MYO9A: variants seen among roughly 807,000 people sequenced by gnomAD.
The protein encoded by MYO9A is myosin IXA.
A neutral mutation model predicts 293.3 loss-of-function variants in MYO9A; 103 were observed. That is an observed-to-expected ratio of 0.35 (90% CI 0.30 to 0.41). MYO9A has a LOEUF of 0.41. MYO9A is among the 10% of genes least tolerant of loss of function. MYO9A has a pLI of 1.00. For synonymous variants in MYO9A, 1,001 were observed against 1,035.7 expected (o/e 0.97, Z 0.64); for missense variants, 2,685 against 3,033.0 (o/e 0.89, Z 2.69).
intron 15 of MYO9A, 27 bp downstream of exon 15, chr15:71,951,750 A>T: frequency 6.2e-7 from 1 of 1,613,288 alleles, no homozygotes; most frequent in Non-Finnish European, 8.5e-7. Context: ...ATATGTGATA[A>T]CAGTTTATCA....
chr15:72,055,044 A>T (rs1027509479), intron 1 of MYO9A, among the ~76,000 whole-genome samples: 2 of 152,214 alleles, frequency 1.3e-5, no homozygotes, highest in Admixed American at 1.3e-4. Context: ...CCTATAGCAG[A>T]TCAACGTCAA....
At chr15:72,083,106 T>A (rs542378956) in intron 1 of MYO9A, among the ~76,000 whole-genome samples, 2 of 152,212 alleles carry the variant, frequency 1.3e-5, no homozygotes, top group Admixed American at 1.3e-4. Flanking sequence ...TACCAGCTCT[T>A]CTTTGTATAT....
Position 71,880,482 on chromosome 15 carries a change from GT to G in MYO9A, c.5474del (p.Asn1825ThrfsTer14). 1 of 1,614,204 alleles carries G rather than the reference GT, an allele frequency of 6.2e-7. No individual in the cohort carries two copies. Among genetic ancestry groups the G allele is most frequent in the Non-Finnish European group, 8.5e-7 (1 of 1,179,994 alleles). ...GCTTAGCCTTTGGAGAAGGTTCTTT[GT>G]TCTCTTTGAATTCCTTCCGGCAACT... Reference protein sequence around the residue: ...PGSCRKEFKENKEPSPKAKRK... With the variant: ...PGSCRKEFKEXKEPSPKAKRK... On this transcript the variant is annotated frameshift_variant, in exon 29 of 42. Coordinates refer to ENST00000356056, the MANE Select transcript of MYO9A (RefSeq NM_006901.4). LOFTEE classifies it high-confidence loss of function.
intron 19 of MYO9A, among the ~76,000 whole-genome samples, chr15:71,908,390 C>G (rs1006310263): frequency 9.2e-5 from 14 of 152,176 alleles, no homozygotes; most frequent in African/African-American, 3.4e-4. Flanking sequence ...GTCTCAATCT[C>G]CTGACCTCGT....
At chr15:72,054,447 C>A (rs1034053743) in intron 1 of MYO9A, among the ~76,000 whole-genome samples, 6 of 151,868 alleles carry the variant, frequency 4.0e-5, no homozygotes, top group Non-Finnish European at 8.8e-5. Flanking sequence ...CCGAGGCGGG[C>A]GAATCACAAG....
chr15:72,091,023 T>C (rs1223044094), intron 1 of MYO9A, among the ~76,000 whole-genome samples: 1 of 150,236 alleles, frequency 6.7e-6, no homozygotes, highest in African/African-American at 2.4e-5. Context: ...AAGCAACACC[T>C]CATCTCCACA....
intron 1 of MYO9A, among the ~76,000 whole-genome samples, chr15:72,103,755 T>TCAAAAA (rs919909679): frequency 6.6e-6 from 1 of 152,206 alleles, no homozygotes; most frequent in Non-Finnish European, 1.5e-5. Flanking sequence ...CACATGAAGT[T>TCAAAAA]CAAAAACAAG....
intron 3 of MYO9A, among the ~76,000 whole-genome samples, chr15:72,031,473 G>A (rs1196626261): frequency 2.0e-5 from 3 of 152,082 alleles, no homozygotes; most frequent in South Asian, 2.1e-4. Flanking sequence ...GCAACTGAGT[G>A]AGACCCTTCT....
chr15:71,997,782 G>A (rs1052871243), intron 9 of MYO9A, among the ~76,000 whole-genome samples: 3 of 152,092 alleles, frequency 2.0e-5, no homozygotes, highest in East Asian at 1.9e-4. Flanking sequence ...ACCATCTCAC[G>A]TGAGTCACAA....
intron 35 of MYO9A, among the ~76,000 whole-genome samples, chr15:71,853,781 T>C (rs1039924389): frequency 2.0e-5 from 3 of 152,196 alleles, no homozygotes; most frequent in African/African-American, 7.2e-5. Flanking sequence ...AATTATCAGT[T>C]TGAGTAACTG....
At chr15:71,962,039 A>T (rs1479786448) in intron 13 of MYO9A, among the ~76,000 whole-genome samples, 1 of 152,098 alleles carries the variant, frequency 6.6e-6, no homozygotes, top group African/African-American at 2.4e-5. Flanking sequence ...ACAGATTTTT[A>T]AAACTGAATA....
At chr15:71,901,150 TA>T in intron 23 of MYO9A, 40 bp downstream of exon 23, 1 of 1,566,060 alleles carries the variant, frequency 6.4e-7, no homozygotes, top group Non-Finnish European at 8.6e-7. Flanking sequence ...AAAGGCCAAA[TA>T]AACTAGTCAA....
chr15:71,859,222 A>C (rs1045248045), intron 34 of MYO9A, among the ~76,000 whole-genome samples: 12 of 152,244 alleles, frequency 7.9e-5, no homozygotes, highest in African/African-American at 2.2e-4. Flanking sequence ...TCATACATCG[A>C]TAAAAGCCTG....
At chr15:71,875,463 G>A (rs1013544305) in intron 32 of MYO9A, among the ~76,000 whole-genome samples, 2 of 152,082 alleles carry the variant, frequency 1.3e-5, no homozygotes, top group African/African-American at 4.8e-5. Context: ...ATTTATAATT[G>A]TAAAATCCTA....
At chr15:71,849,341 T>G (rs2055534247) in intron 38 of MYO9A, among the ~76,000 whole-genome samples, 1 of 151,978 alleles carries the variant, frequency 6.6e-6, no homozygotes, top group African/African-American at 2.4e-5. Context: ...CTCAGCTACT[T>G]GGGAGGCTGA....
At chr15:71,891,522 C>T (rs1222953722) in intron 26 of MYO9A, 4 of 152,172 alleles carry the variant, frequency 2.6e-5, no homozygotes, top group East Asian at 1.9e-4. Context: ...TACATAATTT[C>T]GTATTTAACT....
Position 71,898,449 on chromosome 15 carries a change from C to T in MYO9A, c.4054G>A (p.Gly1352Arg), listed in dbSNP as rs1370792619. ...SKLESVISDE[G>R]DLQFPSPKIS... ...TTAGGTGATGGAAACTGCAAGTCTC[C>T]TTCATCTGAAATGACAGACTCTAGT... The change falls in exon 25 of 42, where the codon GGA becomes AGA. Residue 1352 changes from glycine to arginine, a missense_variant. Around this residue, in one of 10 missense-constraint regions of MYO9A, gnomAD observed 1,434 missense variants for 1,497.7 expected, o/e 0.96. Transcript: ENST00000356056. 2 of 1,613,924 alleles carry T rather than the reference C, an allele frequency of 1.2e-6. No homozygotes were observed. Among genetic ancestry groups the T allele is most frequent in the Admixed American group, 3.3e-5 (2 of 60,008 alleles).
intron 8 of MYO9A, among the ~76,000 whole-genome samples, chr15:72,005,134 AT>A (rs757073115): frequency 6.6e-6 from 1 of 152,156 alleles, no homozygotes; most frequent in Non-Finnish European, 1.5e-5. Context: ...CTTTGAAGCT[AT>A]TTTCTTTCTA....
chr15:72,036,456 G>C (rs530269176), intron 2 of MYO9A: 2 of 152,202 alleles, frequency 1.3e-5, no homozygotes, highest in South Asian at 4.2e-4. Context: ...AAACAGATGA[G>C]TCTTGGTTAG....
Sources: allele counts gnomAD v4.1 joint callset (sites outside exome capture counted in the v4.1 genomes callset), GRCh38; gene constraint gnomAD v4.1.1; regional missense constraint gnomAD v4.1.1; transcripts MANE v1.5; gene names NCBI Gene and HGNC (gene_info 2026-07-23, HGNC 2026-07-21).